OARD1: variants seen among roughly 807,000 people sequenced by gnomAD.
OARD1 encodes the protein ADP-ribose glycohydrolase OARD1.
In OARD1, 19 loss-of-function variants were observed where a neutral mutation model predicts 19.7. The ratio of observed to expected loss-of-function variants is 0.96; its 90% CI spans 0.67 to 1.41. The LOEUF (loss-of-function observed/expected upper bound fraction) is 1.41. Among genes scored for constraint, OARD1 ranks in the 40% most tolerant of loss-of-function variants. The pLI, the probability that OARD1 is intolerant of heterozygous loss-of-function variation, is 0.00. For synonymous variants in OARD1, 70 were observed against 61.8 expected, an observed-to-expected ratio of 1.13 and a Z score of -0.62; for missense variants, 190 against 183.8, an observed-to-expected ratio of 1.03 and a Z score of -0.20.
upstream of OARD1, among the ~76,000 whole-genome samples, chr6:41,073,895 C>T (rs1395993402): frequency 6.6e-6 from 1 of 151,686 alleles, no homozygotes; most frequent in South Asian, 2.1e-4. Context: ...CAGGACCGCA[C>T]ACCTCCGTCT....
chr6:41,080,542 G>A (rs1763877173), intron 1 of OARD1, among the ~76,000 whole-genome samples: 1 of 152,142 alleles, frequency 6.6e-6, no homozygotes, highest in African/African-American at 2.4e-5. Context: ...CCTGTTTCTG[G>A]AGGGAAAGAT....
At chr6:41,068,058 G>A (rs192439731) in intron 5 of OARD1, among the ~76,000 whole-genome samples, 1 of 152,130 alleles carries the variant, frequency 6.6e-6, no homozygotes, top group African/African-American at 2.4e-5. Flanking sequence ...ATGTCATAAT[G>A]TGATAATTAA....
chr6:41,097,310 G>C (rs376622621), intron 1 of OARD1: 10 of 1,588,364 alleles, frequency 6.3e-6, no homozygotes, highest in Non-Finnish European at 6.0e-6. Flanking sequence ...ATGAGTTCCT[G>C]TTGCTTTTGC....
chr6:41,083,538 C>CCTCT, intron 1 of OARD1, among the ~76,000 whole-genome samples: 4 of 152,258 alleles, frequency 2.6e-5, no homozygotes, highest in Admixed American at 2.6e-4. Context: ...AAAGGGTCAT[C>CCTCT]CTCTACATAA....
chr6:41,071,028 TG>T (rs768378601), intron 3 of OARD1, 103 bp downstream of exon 3: 1 of 1,215,626 alleles, frequency 8.2e-7, no homozygotes, highest in Non-Finnish European at 1.2e-6. Flanking sequence ...TAAAAACATT[TG>T]GTTCTTAGGA....
At position 41,097,642 on chromosome 6, in the gene OARD1, A is replaced by G. The variant is rs371950018; in HGVS notation, c.-42+71T>C. Reference sequence around the variant, plus strand: ...CAGGACCTATTTCAGACTGTTGATGACATTGACATTTCATGGATTCGGATG... The same window carrying G: ...CAGGACCTATTTCAGACTGTTGATGGCATTGACATTTCATGGATTCGGATG... On this transcript the variant is annotated intron_variant, in intron 1 of 4. Transcript: ENST00000480585. 104 of 476,256 alleles carry G rather than the reference A, an allele frequency of 2.2e-4. 1 individual carries two copies. The South Asian group carries it at 2.6e-3, about 12-fold the overall frequency. 29.5% of individuals were successfully genotyped at this position (476,256 alleles called of 1,614,324 possible). A position where few individuals can be genotyped will look rare whatever the true frequency, so the allele number is the denominator to read the frequency against.
chr6:41,071,223 G>A lies in OARD1; in HGVS notation c.93C>T (p.Ala31=). The A allele has an allele frequency of 2.9e-5, 47 of 1,613,020 alleles. No homozygotes were observed. Among genetic ancestry groups the A allele is most frequent in the Non-Finnish European group, 3.9e-5 (46 of 1,178,998 alleles). The stretch of plus-strand genomic sequence containing the variant: ...TGCGACAATCCTCACTGATACAGTG[G>A]GCTAAAGAGTCTGTTTTCGGGCATG... ...LFACPKTDSL[A]HCISEDCRMG... The change falls in exon 3 of 6, where the codon GCC becomes GCT. Residue 31 remains alanine (A), a synonymous_variant. Coordinates refer to ENST00000424266, the MANE Select transcript of OARD1 (RefSeq NM_001329686.2).
At chr6:41,085,166 C>T (rs1216700898) in intron 1 of OARD1, among the ~76,000 whole-genome samples, 1 of 152,184 alleles carries the variant, frequency 6.6e-6, no homozygotes, top group East Asian at 1.9e-4. Context: ...AAAGGCACCT[C>T]ACTATCTGTT....
chr6:41,069,565 A>G (rs1036978431), intron 4 of OARD1: 18 of 177,610 alleles, frequency 1.0e-4, no homozygotes. Context: ...ACACCCTTTC[A>G]GGGACCAAAT....
At chr6:41,095,398 T>C (rs1764320604) in intron 1 of OARD1, among the ~76,000 whole-genome samples, 1 of 152,204 alleles carries the variant, frequency 6.6e-6, no homozygotes, top group African/African-American at 2.4e-5. Flanking sequence ...TCCCTATCTG[T>C]TAGGTCTGGG....
At chr6:41,071,574 T>C in intron 2 of OARD1, 22 bp downstream of exon 2, 2 of 1,597,696 alleles carry the variant, frequency 1.3e-6, no homozygotes, top group Non-Finnish European at 1.7e-6. Flanking sequence ...AGTTCACCAA[T>C]AAGTCAATAG....
rs1031718584 is a variant in OARD1, at chr6:41,065,001, T to G, written c.*2334A>C. The G allele has an allele frequency of 6.6e-6, 1 of 152,090 alleles. No individual in the cohort carries two copies. Among genetic ancestry groups the G allele is most frequent in the Non-Finnish European group, 1.5e-5 (1 of 68,014 alleles). The allele number at this position is 152,090 out of a possible 1,614,324, so 9.4% of individuals were successfully genotyped here. ...GGTGTTTGCCAAACTCTAACTAGGTTTCCAGGAATAATGTGTTCACTCTGA... is the reference window on the plus strand; with the variant it reads ...GGTGTTTGCCAAACTCTAACTAGGTGTCCAGGAATAATGTGTTCACTCTGA... On this transcript the variant is annotated 3_prime_UTR_variant, in exon 6 of 6. Transcript: ENST00000424266.
chr6:41,077,952 G>C (rs1254977446), intron 1 of OARD1, among the ~76,000 whole-genome samples: 1 of 151,710 alleles, frequency 6.6e-6, no homozygotes, highest in Non-Finnish European at 1.5e-5. Flanking sequence ...ATTAAATTTT[G>C]TTATATTTTT....
At chr6:41,094,082 G>T (rs1038535958) in intron 1 of OARD1, among the ~76,000 whole-genome samples, 13 of 152,146 alleles carry the variant, frequency 8.5e-5, no homozygotes, top group African/African-American at 3.1e-4. Flanking sequence ...ACACTCATTT[G>T]CTCAAACGAA....
upstream of OARD1, among the ~76,000 whole-genome samples, chr6:41,076,269 C>G (rs1018220609): frequency 1.3e-5 from 2 of 152,088 alleles, no homozygotes; most frequent in Non-Finnish European, 2.9e-5. Flanking sequence ...ATAGAAAATA[C>G]CAAAGTGCAT....
intron 1 of OARD1, among the ~76,000 whole-genome samples, chr6:41,084,695 G>T (rs1763994621): frequency 6.6e-6 from 1 of 152,222 alleles, no homozygotes; most frequent in Non-Finnish European, 1.5e-5. Flanking sequence ...AGGCGCAGTG[G>T]CTCATGCCTG....
At chr6:41,091,877 C>G (rs1764206506) in intron 1 of OARD1, among the ~76,000 whole-genome samples, 1 of 152,044 alleles carries the variant, frequency 6.6e-6, no homozygotes, top group African/African-American at 2.4e-5. Context: ...TACTATGTGC[C>G]AGGGACTATT....
intron 1 of OARD1, among the ~76,000 whole-genome samples, chr6:41,085,312 G>C (rs747032984): frequency 2.6e-5 from 4 of 152,172 alleles, no homozygotes; most frequent in Non-Finnish European, 5.9e-5. Context: ...ATTGCAATCT[G>C]AGTGTCCATT....
chr6:41,097,242 C>T, intron 1 of OARD1: 1 of 914,056 alleles, frequency 1.1e-6, no homozygotes, highest in Non-Finnish European at 1.8e-6. Context: ...TATTACAAGC[C>T]TTTGATTTAC....
Sources: gnomAD v4.1 joint callset for allele counts (sites outside exome capture counted in the v4.1 genomes callset) on GRCh38, gnomAD v4.1.1 for gene constraint, MANE v1.5 for transcripts, NCBI Gene and HGNC (gene_info 2026-07-23, HGNC 2026-07-21) for gene names.